Variants in ENKUR observed in about 807,000 individuals in gnomAD.
The protein encoded by ENKUR is enkurin, TRPC channel interacting protein.
ENKUR carries 19 observed loss-of-function variants against 27.6 expected under a neutral mutation model. That is an observed-to-expected ratio of 0.69 (90% CI 0.48 to 1.01). The LOEUF (loss-of-function observed/expected upper bound fraction) is 1.01. Ranked by LOEUF, ENKUR falls within the 50% of genes least tolerant of loss-of-function variation. ENKUR has a pLI of 0.00. For missense variants in ENKUR, 312 were observed against 310.5 expected (o/e 1.00, Z -0.04); for synonymous variants, 117 against 96.9 (o/e 1.21, Z -1.22).
Position 24,999,559 on chromosome 10 carries a change from T to C in ENKUR, c.78-13A>G. 1 of 1,592,988 alleles carries C rather than the reference T, an allele frequency of 6.3e-7. No homozygotes were observed. Among genetic ancestry groups the C allele is most frequent in the African/African-American group, 1.4e-5 (1 of 73,746 alleles). The stretch of plus-strand genomic sequence containing the variant: ...AATGGATATGTACCTAAAATTGAAT[T>C]TTAAAAGTTGTAGCATTTATACTTC... On this transcript the variant is annotated splice_polypyrimidine_tract_variant and intron_variant, in intron 1 of 5. Coordinates refer to ENST00000331161, the MANE Select transcript of ENKUR (RefSeq NM_145010.4).
chr10:24,988,682 AT>A lies in ENKUR; in HGVS notation c.594+1780del, dbSNP rs1849851191. Among the ~76,000 whole-genome samples the A allele has an allele frequency of 1.2e-3, 7 of 5,874 alleles. 1 individual carries two copies. The highest frequency in any genetic ancestry group is 7.1e-4 in the Non-Finnish European group (2 of 2,830). The allele number at this position is 5,874 out of a possible 152,430, so 3.9% of individuals were successfully genotyped here. ...AGCATATGTATATATATATATATATATATATATATATATATATATATATATA... is the reference window on the plus strand; with the variant it reads ...AGCATATGTATATATATATATATATAATATATATATATATATATATATATA... On this transcript the variant is annotated intron_variant, in intron 4 of 5. Transcript: ENST00000331161.
intron 2 of ENKUR, among the ~76,000 whole-genome samples, chr10:25,055,617 A>T (rs1851247192): frequency 1.3e-5 from 2 of 151,950 alleles, no homozygotes; most frequent in South Asian, 4.2e-4. Context: ...TTGGAATGAT[A>T]ACTTCAACAG....
At chr10:24,993,017 G>A (rs1380438750) in intron 3 of ENKUR, among the ~76,000 whole-genome samples, 1 of 152,166 alleles carries the variant, frequency 6.6e-6, no homozygotes, top group African/African-American at 2.4e-5. Flanking sequence ...AGAATGACTG[G>A]GCGCAGTGGC....
At chr10:25,061,024 T>G in intron 2 of ENKUR, 1 of 1,323,378 alleles carries the variant, frequency 7.6e-7, no homozygotes. Flanking sequence ...CTTATGTTTC[T>G]TTAGATGAGA....
intron 2 of ENKUR, chr10:25,024,327 A>G (rs747459713): frequency 6.8e-6 from 11 of 1,614,076 alleles, no homozygotes; most frequent in Middle Eastern, 1.6e-4. Context: ...GTATCCCACC[A>G]AGTTGCAATT....
chr10:25,053,747 C>A (rs1385266233), intron 2 of ENKUR, among the ~76,000 whole-genome samples: 1 of 151,972 alleles, frequency 6.6e-6, no homozygotes, highest in Non-Finnish European at 1.5e-5. Context: ...TGTAAATAAC[C>A]CTGCAATGAG....
At chr10:25,016,209 C>T (rs1361330182), upstream of ENKUR, 23 of 1,162,022 alleles carry the variant, frequency 2.0e-5, no homozygotes, top group Middle Eastern at 3.5e-4. Flanking sequence ...GCAGGCAGCA[C>T]CGCAAACTAG....
upstream of ENKUR, among the ~76,000 whole-genome samples, chr10:25,020,836 C>G (rs1294201305): frequency 6.6e-6 from 1 of 151,724 alleles, no homozygotes; most frequent in Non-Finnish European, 1.5e-5. Context: ...GTATTGCAAA[C>G]TCAAAAAGAA....
intron 2 of ENKUR, among the ~76,000 whole-genome samples, chr10:25,028,175 T>A (rs1315672846): frequency 6.6e-6 from 1 of 152,162 alleles, no homozygotes; most frequent in Non-Finnish European, 1.5e-5. Context: ...TGCCCAAGGG[T>A]TCATGTGTAT....
At chr10:25,034,770 A>G (rs1050495224) in intron 2 of ENKUR, among the ~76,000 whole-genome samples, 3 of 152,316 alleles carry the variant, frequency 2.0e-5, no homozygotes, top group African/African-American at 7.2e-5. Context: ...ATTTTTTCAC[A>G]GTATTCTGTA....
chr10:25,047,516 G>A (rs550228081), intron 2 of ENKUR, among the ~76,000 whole-genome samples: 2 of 152,278 alleles, frequency 1.3e-5, no homozygotes, highest in Admixed American at 1.3e-4. Context: ...TTTCAGAAAA[G>A]TATTGACAAA....
intron 2 of ENKUR, among the ~76,000 whole-genome samples, chr10:25,053,773 A>T (rs1240429377): frequency 6.6e-6 from 1 of 151,828 alleles, no homozygotes; most frequent in Non-Finnish European, 1.5e-5. Flanking sequence ...TTATACATAC[A>T]TCTTTTTACC....
In ENKUR at chr10:24,982,086, A is replaced by T. The variant is rs1190832059; in HGVS notation, c.*2284T>A. The T allele has an allele frequency of 1.3e-5, 2 of 152,272 alleles. No individual in the cohort carries two copies. Among genetic ancestry groups the T allele is most frequent in the East Asian group, 3.8e-4 (2 of 5,210 alleles). The allele number at this position is 152,272 out of a possible 1,614,324, so 9.4% of individuals were successfully genotyped here. A position where few individuals can be genotyped will look rare whatever the true frequency, so the allele number is the denominator to read the frequency against. ...AAGGAATGCAGATGAAAATGTATACAGTGTCTTCTCCCCCATAAGCTTGAA... is the reference window on the plus strand; with the variant it reads ...AAGGAATGCAGATGAAAATGTATACTGTGTCTTCTCCCCCATAAGCTTGAA... On this transcript the variant is annotated 3_prime_UTR_variant, in exon 6 of 6. Transcript: ENST00000331161.
chr10:25,040,456 C>T (rs956166995), intron 2 of ENKUR, among the ~76,000 whole-genome samples: 2 of 151,158 alleles, frequency 1.3e-5, no homozygotes, highest in Non-Finnish European at 2.9e-5. Flanking sequence ...CTGCAAGCTC[C>T]GCCTCCCAGG....
intron 1 of ENKUR, among the ~76,000 whole-genome samples, chr10:25,007,227 C>G (rs1333839753): frequency 6.6e-6 from 1 of 152,048 alleles, no homozygotes; most frequent in South Asian, 2.1e-4. Flanking sequence ...GATATTAAAC[C>G]TTGTTCTGTA....
At chr10:25,046,319 A>G (rs781525908) in intron 2 of ENKUR, among the ~76,000 whole-genome samples, 19 of 152,180 alleles carry the variant, frequency 1.2e-4, no homozygotes, top group Non-Finnish European at 2.1e-4. Flanking sequence ...AAAGTTCACA[A>G]CCAGTAGTAC....
In ENKUR at chr10:25,053,975, C is replaced by T. The variant is rs146889124; in HGVS notation, c.37+7137G>A. Among the ~76,000 whole-genome samples, 15 of 152,298 alleles carry T rather than the reference C, an allele frequency of 9.8e-5. No individual in the cohort carries two copies. The East Asian group carries it at 2.7e-3, about 27-fold the overall frequency. ...TACACCAGTGGTCATCTCCTGACAT[C>T]GGTGTTTATCATTCTGCATTCCTTT... On this transcript the variant is annotated intron_variant, in intron 2 of 5. Transcript: ENST00000615958.
intron 2 of ENKUR, among the ~76,000 whole-genome samples, chr10:25,033,295 T>A (rs1322217305): frequency 6.6e-6 from 1 of 151,702 alleles, no homozygotes; most frequent in Admixed American, 6.6e-5. Flanking sequence ...TCCCAGCTAT[T>A]TGTGAGGCTG....
intron 2 of ENKUR, among the ~76,000 whole-genome samples, chr10:25,057,293 A>G (rs1851271272): frequency 6.6e-6 from 1 of 151,962 alleles, no homozygotes; most frequent in South Asian, 2.1e-4. Flanking sequence ...TAGAAGAAAT[A>G]AAAAAACAGT....
Sources: allele counts gnomAD v4.1 joint callset (sites outside exome capture counted in the v4.1 genomes callset), GRCh38; gene constraint gnomAD v4.1.1; transcripts MANE v1.5; gene names NCBI Gene and HGNC (gene_info 2026-07-23, HGNC 2026-07-21).